Variants in CADM2 observed in about 807,000 individuals in gnomAD.
CADM2 encodes cell adhesion molecule 2.
A neutral mutation model predicts 49.8 loss-of-function variants in CADM2; 12 were observed. The observed-to-expected ratio is 0.24, with a 90% CI of 0.15 to 0.39. The LOEUF (loss-of-function observed/expected upper bound fraction) is 0.39, where lower values mean the gene tolerates loss of function less well. CADM2 is among the 10% of genes least tolerant of loss of function. The pLI, the probability that CADM2 is intolerant of heterozygous loss-of-function variation, is 1.00. For missense variants in CADM2, 378 were observed against 492.3 expected (o/e 0.77, Z 2.20); for synonymous variants, 214 against 175.4 (o/e 1.22, Z -1.74).
At chr3:85,525,366 C>T (rs895355904) in intron 1 of CADM2, among the ~76,000 whole-genome samples, 8 of 152,134 alleles carry the variant, frequency 5.3e-5, no homozygotes, top group Non-Finnish European at 8.8e-5. Context: ...ATATTCAGAT[C>T]TTTAGTTTTA....
intron 1 of CADM2, among the ~76,000 whole-genome samples, chr3:85,021,843 G>C (rs1209727710): frequency 6.6e-6 from 1 of 152,108 alleles, no homozygotes; most frequent in African/African-American, 2.4e-5. Context: ...TCATCTCTCT[G>C]TGTTATATTT....
intron 1 of CADM2, among the ~76,000 whole-genome samples, chr3:85,049,401 A>G: frequency 6.6e-6 from 1 of 151,438 alleles, no homozygotes; most frequent in East Asian, 1.9e-4. Context: ...TCCAGGCTGG[A>G]GTGCAATGAT....
chr3:85,820,987 C>T (rs533546696), intron 3 of CADM2, among the ~76,000 whole-genome samples: 80 of 152,244 alleles, frequency 5.3e-4, no homozygotes, highest in African/African-American at 1.9e-3. Flanking sequence ...TGAAAAGCAG[C>T]GATAAAACTA....
In CADM2 at chr3:85,541,554, T is replaced by A. The variant is rs1425960283; in HGVS notation, c.62-184968T>A. Reference sequence around the variant, plus strand: ...TACTACAGGATAGTAAATGCCACACTTCAGAGAAAGGCTGAATAGGTTCAA... The same window carrying A: ...TACTACAGGATAGTAAATGCCACACATCAGAGAAAGGCTGAATAGGTTCAA... On this transcript the variant is annotated intron_variant, in intron 1 of 9. Coordinates refer to ENST00000383699, the MANE Select transcript of CADM2 (RefSeq NM_001167675.2). Among the ~76,000 whole-genome samples, 5 of 150,596 alleles carry A rather than the reference T, an allele frequency of 3.3e-5. No homozygotes were observed. In the East Asian group the frequency reaches 9.8e-4, roughly 29 times the overall value.
At chr3:85,711,081 T>A (rs533990644) in intron 1 of CADM2, among the ~76,000 whole-genome samples, 1 of 152,298 alleles carries the variant, frequency 6.6e-6, no homozygotes, top group Non-Finnish European at 1.5e-5. Flanking sequence ...ACTGTTGGGA[T>A]TTCTTAACAT....
In CADM2 at chr3:85,275,005, A is replaced by G. The variant is rs1211133401; in HGVS notation, c.61+315337A>G. Among the ~76,000 whole-genome samples the G allele has an allele frequency of 6.6e-5, 10 of 151,434 alleles. No individual in the cohort carries two copies. The Admixed American group carries it at 6.6e-4, about 10-fold the overall frequency. ...CAGCTTGAAGTCAATGAGAAAAGGA[A>G]AAAGCCTAGCCATAGAATCTAATGA... On this transcript the variant is annotated intron_variant, in intron 1 of 9. Coordinates refer to ENST00000383699, the MANE Select transcript of CADM2 (RefSeq NM_001167675.2).
At chr3:85,082,572 C>G (rs2037206120) in intron 1 of CADM2, among the ~76,000 whole-genome samples, 1 of 152,088 alleles carries the variant, frequency 6.6e-6, no homozygotes, top group Non-Finnish European at 1.5e-5. Flanking sequence ...CTGAACTTTT[C>G]TGAAACTGAA....
chr3:85,844,405 G>A (rs918296308), intron 3 of CADM2, among the ~76,000 whole-genome samples: 78 of 151,992 alleles, frequency 5.1e-4, no homozygotes, highest in African/African-American at 1.6e-3. Context: ...TTAAATTTCC[G>A]TAGGAAATAT....
intron 8 of CADM2, among the ~76,000 whole-genome samples, chr3:86,001,509 T>A (rs949095785): frequency 6.6e-6 from 1 of 152,086 alleles, no homozygotes; most frequent in African/African-American, 2.4e-5. Context: ...TGAGAAGATA[T>A]AGGATTATGA....
intron 1 of CADM2, among the ~76,000 whole-genome samples, chr3:85,586,413 C>A (rs1015113526): frequency 3.9e-5 from 6 of 152,062 alleles, no homozygotes; most frequent in Middle Eastern, 3.4e-3. Flanking sequence ...CTCTAACGTA[C>A]CTATTTCTGG....
chr3:85,434,333 T>G (rs1263045320), intron 1 of CADM2, among the ~76,000 whole-genome samples: 1 of 152,002 alleles, frequency 6.6e-6, no homozygotes, highest in African/African-American at 2.4e-5. Context: ...TTTCATTTTT[T>G]CTTTTACATG....
intron 1 of CADM2, among the ~76,000 whole-genome samples, chr3:85,122,949 T>A (rs1363518453): frequency 6.6e-6 from 1 of 152,138 alleles, no homozygotes; most frequent in African/African-American, 2.4e-5. Flanking sequence ...TGTTCACCTC[T>A]ATCCTCTTCA....
At chr3:85,814,680 T>C (rs1238085222) in intron 3 of CADM2, among the ~76,000 whole-genome samples, 1 of 151,792 alleles carries the variant, frequency 6.6e-6, no homozygotes, top group Non-Finnish European at 1.5e-5. Context: ...AAAAATGATA[T>C]AGGAAATATC....
chr3:85,089,901 T>A (rs2037530239), intron 1 of CADM2, among the ~76,000 whole-genome samples: 1 of 152,196 alleles, frequency 6.6e-6, no homozygotes, highest in Admixed American at 6.6e-5. Flanking sequence ...ATTGAATTTC[T>A]TTTTCCTACC....
At chr3:85,178,725 C>T (rs1355912779) in intron 1 of CADM2, among the ~76,000 whole-genome samples, 3 of 151,684 alleles carry the variant, frequency 2.0e-5, no homozygotes, top group South Asian at 2.1e-4. Context: ...TGAATATTTA[C>T]GTCGATCCTA....
intron 1 of CADM2, among the ~76,000 whole-genome samples, chr3:85,720,358 G>T (rs1266754351): frequency 6.6e-6 from 1 of 152,086 alleles, no homozygotes; most frequent in African/African-American, 2.4e-5. Context: ...CCCTTTTACT[G>T]ATATTACCTG....
chr3:85,959,302 A>G (rs1008377857), intron 7 of CADM2, among the ~76,000 whole-genome samples: 1 of 151,712 alleles, frequency 6.6e-6, no homozygotes, highest in African/African-American at 2.4e-5. Flanking sequence ...ATGCTCTGCA[A>G]TACAGAAGCT....
intron 2 of CADM2, among the ~76,000 whole-genome samples, chr3:85,744,369 G>GATTCTTTGT (rs1366335940): frequency 6.6e-6 from 1 of 152,008 alleles, no homozygotes; most frequent in East Asian, 1.9e-4. Context: ...AGTATACTTG[G>GATTCTTTGT]ATTCTTTGTA....
intron 8 of CADM2, among the ~76,000 whole-genome samples, chr3:86,000,349 TG>T (rs1730023538): frequency 6.6e-6 from 1 of 152,322 alleles, no homozygotes; most frequent in Admixed American, 6.5e-5. Context: ...GAACTTACCA[TG>T]TTTCCTGAAA....
Sources: gnomAD v4.1 joint callset for allele counts (sites outside exome capture counted in the v4.1 genomes callset) on GRCh38, gnomAD v4.1.1 for gene constraint, MANE v1.5 for transcripts, NCBI Gene and HGNC (gene_info 2026-07-23, HGNC 2026-07-21) for gene names.